The following BBS9 variants were observed in gnomAD, a reference collection of about 807,000 sequenced individuals.
The protein encoded by BBS9 is protein PTHB1.
BBS9 carries 89 observed loss-of-function variants against 117.7 expected under a neutral mutation model. The observed-to-expected ratio is 0.76, with a 90% confidence interval of 0.64 to 0.90. BBS9 has a LOEUF of 0.90. Among genes scored for constraint, BBS9 ranks in the 40% least tolerant of loss-of-function variants. The probability of loss-of-function intolerance (pLI) is 0.00; values close to 1 mark genes in which losing one functional copy is unlikely to be tolerated. For synonymous variants in BBS9, 379 were observed against 370.9 expected (o/e 1.02, Z -0.25); for missense variants, 982 against 1,042.2 (o/e 0.94, Z 0.80).
intron 19 of BBS9, among the ~76,000 whole-genome samples, chr7:33,498,478 C>G (rs188400513): frequency 2.2e-3 from 335 of 152,164 alleles, no homozygotes; most frequent in African/African-American, 7.8e-3. Context: ...TAAAAGAAAC[C>G]AAACCCCCAT....
At position 33,274,542 on chromosome 7, in the gene BBS9, G is replaced by C. The variant is rs564921068; in HGVS notation, c.1016+586G>C. On this transcript the variant is annotated intron_variant, in intron 9 of 22. Transcript: ENST00000242067. ...AGTGAGTAATTTTTCTAGGTCATCA[G>C]TATAAAAACTGAGATGCCGATGAAC... 2.6e-5 allele frequency among the ~76,000 whole-genome samples: 4 copies of C among 152,290 alleles called. No individual in the cohort carries two copies. In the East Asian group the frequency reaches 7.7e-4, roughly 29 times the overall value.
chr7:33,424,206 A>G (rs116801003), intron 19 of BBS9, among the ~76,000 whole-genome samples: 344 of 152,328 alleles, frequency 2.3e-3, no homozygotes, highest in African/African-American at 8.1e-3. Flanking sequence ...TGATTATGGA[A>G]GAATATAGGA....
intron 4 of BBS9, among the ~76,000 whole-genome samples, chr7:33,173,424 A>G (rs749884982): frequency 1.3e-5 from 2 of 151,984 alleles, no homozygotes; most frequent in Admixed American, 6.5e-5. Flanking sequence ...ATTAAAAAAT[A>G]CAAAAAATCA....
At chr7:33,286,948 AT>A (rs541588260) in intron 9 of BBS9, among the ~76,000 whole-genome samples, 5 of 151,962 alleles carry the variant, frequency 3.3e-5, no homozygotes, top group African/African-American at 1.2e-4. Flanking sequence ...GGAAAAAGTG[AT>A]TTTTTTTGAT....
chr7:33,626,312 C>T (rs966225461), intron 21 of BBS9, among the ~76,000 whole-genome samples: 1 of 152,182 alleles, frequency 6.6e-6, no homozygotes, highest in African/African-American at 2.4e-5. Flanking sequence ...TCAATTAAAC[C>T]TCTTTTCTTT....
At chr7:33,288,357 G>C (rs1207304931) in intron 9 of BBS9, among the ~76,000 whole-genome samples, 1 of 152,074 alleles carries the variant, frequency 6.6e-6, no homozygotes, top group Non-Finnish European at 1.5e-5. Flanking sequence ...AAAACTCTGG[G>C]TGGTACCTCA....
intron 20 of BBS9, among the ~76,000 whole-genome samples, chr7:33,514,223 G>A (rs1017531626): frequency 2.6e-5 from 4 of 152,164 alleles, no homozygotes; most frequent in Non-Finnish European, 4.4e-5. Flanking sequence ...TTATCTGTAC[G>A]GTGGTGAACT....
intron 17 of BBS9, among the ~76,000 whole-genome samples, chr7:33,373,985 A>G (rs573766077): frequency 6.6e-6 from 1 of 152,332 alleles, no homozygotes; most frequent in South Asian, 2.1e-4. Context: ...TTGGTAGACA[A>G]TACATTTATT....
At chr7:33,393,350 G>A (rs916196855) in intron 19 of BBS9, among the ~76,000 whole-genome samples, 10 of 152,118 alleles carry the variant, frequency 6.6e-5, no homozygotes, top group Non-Finnish European at 1.5e-4. Context: ...CCTTAGCTTT[G>A]TCCAGTACTG....
intron 17 of BBS9, among the ~76,000 whole-genome samples, chr7:33,377,518 T>C (rs78209163): frequency 0.028 from 4,281 of 152,242 alleles, 194 homozygotes; most frequent in African/African-American, 0.092. Flanking sequence ...TTTTTTTGTT[T>C]CATGTGGATT....
intron 9 of BBS9, among the ~76,000 whole-genome samples, chr7:33,335,338 C>T (rs1815113241): frequency 6.6e-6 from 1 of 152,056 alleles, no homozygotes; most frequent in Admixed American, 6.6e-5. Context: ...GCTGGGAGTA[C>T]AGGCTTGTGC....
intron 21 of BBS9, among the ~76,000 whole-genome samples, chr7:33,554,385 A>T (rs13235992): frequency 0.018 from 2,794 of 152,250 alleles, 31 homozygotes; most frequent in Non-Finnish European, 0.028. Flanking sequence ...GCAAGAGATG[A>T]GGTTGACTGG....
intron 6 of BBS9, among the ~76,000 whole-genome samples, chr7:33,258,275 C>A (rs1318432910): frequency 6.6e-6 from 1 of 152,112 alleles, no homozygotes; most frequent in East Asian, 1.9e-4. Flanking sequence ...TTATTTTTGG[C>A]CACATCATTA....
intron 19 of BBS9, among the ~76,000 whole-genome samples, chr7:33,470,309 A>G (rs1002595105): frequency 6.6e-6 from 1 of 152,012 alleles, no homozygotes; most frequent in Non-Finnish European, 1.5e-5. Flanking sequence ...CTCAGATAAA[A>G]TGATTTGATA....
intron 2 of BBS9, among the ~76,000 whole-genome samples, chr7:33,147,528 A>C (rs1046094767): frequency 1.3e-5 from 2 of 152,192 alleles, no homozygotes; most frequent in Non-Finnish European, 2.9e-5. Context: ...GGAGATGGGA[A>C]GGCCTTCTAT....
At chr7:33,446,670 T>C (rs1001827912) in intron 19 of BBS9, among the ~76,000 whole-genome samples, 9 of 152,234 alleles carry the variant, frequency 5.9e-5, no homozygotes, top group African/African-American at 2.2e-4. Flanking sequence ...CATTGTCTTA[T>C]CTGCAGTTCT....
intron 18 of BBS9, among the ~76,000 whole-genome samples, chr7:33,386,827 G>A (rs1051356299): frequency 4.6e-5 from 7 of 151,996 alleles, no homozygotes; most frequent in African/African-American, 1.2e-4. Context: ...TAAATGAGAT[G>A]GGTTACAGTG....
intron 21 of BBS9, among the ~76,000 whole-genome samples, chr7:33,558,029 C>A (rs868828957): frequency 6.6e-6 from 1 of 152,168 alleles, no homozygotes; most frequent in Non-Finnish European, 1.5e-5. Flanking sequence ...AAACTGGGAA[C>A]AAATTGAACA....
intron 9 of BBS9, among the ~76,000 whole-genome samples, chr7:33,305,922 A>G (rs778761014): frequency 2.6e-5 from 4 of 151,660 alleles, no homozygotes; most frequent in Non-Finnish European, 5.9e-5. Context: ...TGTGATGTTT[A>G]TTATTTCCTT....
Sources: gnomAD v4.1 joint callset for allele counts (sites outside exome capture counted in the v4.1 genomes callset) on GRCh38, gnomAD v4.1.1 for gene constraint, MANE v1.5 for transcripts, NCBI Gene and HGNC (gene_info 2026-07-23, HGNC 2026-07-21) for gene names.